The following PPARG variants were observed in gnomAD, a reference collection of about 807,000 sequenced individuals.
The protein encoded by PPARG is peroxisome proliferator activated receptor gamma, also known as peroxisome proliferator-activated receptor gamma.
Under a neutral mutation model 39.2 loss-of-function variants are expected in PPARG, and 17 were observed. The observed-to-expected ratio is 0.43, with a 90% confidence interval of 0.30 to 0.65. The LOEUF is 0.65. Among genes scored for constraint, PPARG ranks in the 30% least tolerant of loss-of-function variants. The pLI, the probability that PPARG is intolerant of heterozygous loss-of-function variation, is 0.13. For synonymous variants in PPARG, 223 were observed against 215.7 expected, an observed-to-expected ratio of 1.03 and a Z score of -0.30; for missense variants, 406 against 585.9, an observed-to-expected ratio of 0.69 and a Z score of 3.17.
chr3:12,330,829 A>G (rs2047838048), intron 2 of PPARG, among the ~76,000 whole-genome samples: 1 of 152,202 alleles, frequency 6.6e-6, no homozygotes, highest in Non-Finnish European at 1.5e-5. Flanking sequence ...GAAATTTTAC[A>G]CCTTGAAGAG....
chr3:12,337,764 T>A (rs759078793), intron 2 of PPARG, among the ~76,000 whole-genome samples: 46 of 152,040 alleles, frequency 3.0e-4, no homozygotes, highest in Non-Finnish European at 5.0e-4. Flanking sequence ...AAGTATTTTT[T>A]AAAAATAAAT....
At chr3:12,344,954 A>G (rs781704795) in intron 2 of PPARG, 1 of 152,216 alleles carries the variant, frequency 6.6e-6, no homozygotes, top group Non-Finnish European at 1.5e-5. Flanking sequence ...TTTACTGCCA[A>G]AAACTATTAT....
chr3:12,401,861 G>A (rs1347224205), intron 5 of PPARG, among the ~76,000 whole-genome samples: 3 of 152,086 alleles, frequency 2.0e-5, no homozygotes, highest in Non-Finnish European at 4.4e-5. Flanking sequence ...TTAGCCTTTG[G>A]GGGGAACTTC....
chr3:12,397,839 C>G (rs2050323329), intron 5 of PPARG, among the ~76,000 whole-genome samples: 1 of 152,132 alleles, frequency 6.6e-6, no homozygotes, highest in Non-Finnish European at 1.5e-5. Flanking sequence ...TGCCCTGTCC[C>G]TCTACCCTGC....
chr3:12,396,916 T>G (rs182302317), intron 5 of PPARG, among the ~76,000 whole-genome samples: 3 of 152,032 alleles, frequency 2.0e-5, no homozygotes, highest in Admixed American at 6.5e-5. Context: ...AGAGATGGAG[T>G]CTCCCTGTGT....
chr3:12,372,094 CTA>C (rs2049237905), intron 2 of PPARG: 1 of 721,420 alleles, frequency 1.4e-6, no homozygotes, highest in South Asian at 1.5e-5. Context: ...TACAAAGGAC[CTA>C]TGAAAGGCTT....
intron 2 of PPARG, among the ~76,000 whole-genome samples, chr3:12,318,151 A>G (rs1224561571): frequency 6.6e-6 from 1 of 151,984 alleles, no homozygotes; most frequent in Admixed American, 6.6e-5. Context: ...TTGCTAAATT[A>G]TTTTCAGAGA....
chr3:12,428,218 C>T (rs185877172), intron 7 of PPARG, among the ~76,000 whole-genome samples: 11 of 152,288 alleles, frequency 7.2e-5, no homozygotes, highest in East Asian at 5.8e-4. Context: ...CAGATCTGGA[C>T]GAGATGGAAG....
At chr3:12,394,690 G>C (rs2050195809) in intron 5 of PPARG, among the ~76,000 whole-genome samples, 1 of 152,188 alleles carries the variant, frequency 6.6e-6, no homozygotes, top group South Asian at 2.1e-4. Flanking sequence ...TTTTATGGGA[G>C]TTTGTTTGCT....
chr3:12,298,216 G>A (rs1379208769), intron 1 of PPARG, among the ~76,000 whole-genome samples: 10 of 142,332 alleles, frequency 7.0e-5, no homozygotes, highest in South Asian at 2.3e-4. Context: ...GGAGAATGGC[G>A]TGAACCCGGG....
At chr3:12,393,243 G>A (rs770038991) in intron 5 of PPARG, among the ~76,000 whole-genome samples, 11 of 117,992 alleles carry the variant, frequency 9.3e-5, no homozygotes, top group Non-Finnish European at 1.3e-4. Flanking sequence ...ACGAGTATTC[G>A]TTTCCTTCAC....
intron 5 of PPARG, among the ~76,000 whole-genome samples, chr3:12,398,749 T>C (rs1374303243): frequency 6.6e-6 from 1 of 152,150 alleles, no homozygotes; most frequent in Non-Finnish European, 1.5e-5. Flanking sequence ...GCTGGGAGAA[T>C]ACTGAAGAGC....
chr3:12,303,437 G>A (rs1236142114), intron 1 of PPARG, among the ~76,000 whole-genome samples: 3 of 152,146 alleles, frequency 2.0e-5, no homozygotes, highest in Non-Finnish European at 4.4e-5. Flanking sequence ...CTGACCTCAA[G>A]TGATCTGCCC....
At chr3:12,419,654 A>G (rs910048713) in intron 7 of PPARG, among the ~76,000 whole-genome samples, 4 of 151,766 alleles carry the variant, frequency 2.6e-5, no homozygotes, top group Admixed American at 6.6e-5. Context: ...TTTTTACTAG[A>G]GACAGGGTTT....
Position 12,416,832 on chromosome 3 carries a change from C to T in PPARG, c.858C>T (p.Arg286=), listed in dbSNP as rs752670343. The change falls in exon 7 of 8, where the codon CGC becomes CGT. Residue 286 remains arginine (R), a synonymous_variant. Coordinates refer to ENST00000651735, the MANE Select transcript of PPARG (RefSeq NM_138711.6). ...GCATCTTTCAGGGCTGCCAGTTTCG[C>T]TCCGTGGAGGCTGTGCAGGAGATCA... ...AIRIFQGCQF[R]SVEAVQEITE... 12 of 1,614,044 alleles carry T rather than the reference C, an allele frequency of 7.4e-6. No homozygotes were observed. In the East Asian group the frequency reaches 1.3e-4, roughly 18 times the overall value.
chr3:12,301,960 A>G (rs779046169), intron 1 of PPARG: 1 of 152,258 alleles, frequency 6.6e-6, no homozygotes, highest in Non-Finnish European at 1.5e-5. Context: ...GGTTCTAGGC[A>G]CAAAGGGAGA....
At chr3:12,392,446 A>G (rs1278357491) in intron 4 of PPARG, among the ~76,000 whole-genome samples, 168 bp from the exon 5 acceptor site, 5 of 152,192 alleles carry the variant, frequency 3.3e-5, no homozygotes, top group Admixed American at 3.3e-4. Context: ...TATAGCAGAG[A>G]ACATTTAGTT....
At chr3:12,288,517 G>A (rs989737620), upstream of PPARG, among the ~76,000 whole-genome samples, 1 of 151,942 alleles carries the variant, frequency 6.6e-6, no homozygotes, top group African/African-American at 2.4e-5. Flanking sequence ...CGCTCCGGGG[G>A]AACTTTGGAG....
chr3:12,403,232 G>A (rs888357079), intron 5 of PPARG, among the ~76,000 whole-genome samples: 1 of 150,516 alleles, frequency 6.6e-6, no homozygotes, highest in Non-Finnish European at 1.5e-5. Flanking sequence ...GGTCGAGGCT[G>A]CAGTGAGCCA....
Sources: allele counts gnomAD v4.1 joint callset (sites outside exome capture counted in the v4.1 genomes callset), GRCh38; gene constraint gnomAD v4.1.1; transcripts MANE v1.5; gene names NCBI Gene and HGNC (gene_info 2026-07-23, HGNC 2026-07-21).